Variants in CNBD1 observed in about 807,000 individuals in gnomAD.
CNBD1 encodes the protein cyclic nucleotide binding domain containing 1, also known as cyclic nucleotide-binding domain-containing protein 1.
CNBD1 carries 71 observed loss-of-function variants against 54.4 expected under a neutral mutation model. The ratio of observed to expected loss-of-function variants is 1.30; its 90% CI spans 1.08 to 1.59. CNBD1 has a LOEUF of 1.59. Ranked by LOEUF, CNBD1 falls within the 40% of genes most tolerant of loss-of-function variation. CNBD1 has a pLI of 0.00. For missense variants in CNBD1, 659 were observed against 518.0 expected (o/e 1.27, Z -2.64); for synonymous variants, 182 against 170.7 (o/e 1.07, Z -0.51).
At chr8:87,394,597 G>C (rs1002831126) in intron 2 of CNBD1, among the ~76,000 whole-genome samples, 2 of 151,780 alleles carry the variant, frequency 1.3e-5, no homozygotes, top group Non-Finnish European at 2.9e-5. Context: ...TCAATGCCAT[G>C]GTGATAAACA....
chr8:87,194,428 T>C (rs1813673542), intron 4 of CNBD1, among the ~76,000 whole-genome samples: 1 of 152,172 alleles, frequency 6.6e-6, no homozygotes, highest in African/African-American at 2.4e-5. Flanking sequence ...TAAGAATCAC[T>C]TATAATCTTG....
intron 8 of CNBD1, among the ~76,000 whole-genome samples, chr8:87,320,694 C>T (rs1323712236): frequency 6.6e-6 from 1 of 151,636 alleles, no homozygotes; most frequent in South Asian, 2.1e-4. Flanking sequence ...CACCTTAAAA[C>T]CTATGTGTTT....
chr8:87,353,734 C>T lies in CNBD1; in HGVS notation c.1251C>T (p.Ile417=), dbSNP rs1477500585. The T allele has an allele frequency of 6.2e-7, 1 of 1,610,996 alleles. No homozygotes were observed. Among genetic ancestry groups the T allele is most frequent in the African/African-American group, 1.3e-5 (1 of 74,910 alleles). The change falls in exon 10 of 11, where the codon ATC becomes ATT. Residue 417 remains isoleucine, a synonymous_variant. Coordinates refer to ENST00000518476, the MANE Select transcript of CNBD1 (RefSeq NM_173538.3). ...VLLQVPFTCT[I]ITKKEVEMAI... The stretch of plus-strand genomic sequence containing the variant: ...TTCAAGTTCCTTTCACGTGCACAAT[C>T]ATTACCAAAAAAGAAGTTGAGATGG...
intron 4 of CNBD1, among the ~76,000 whole-genome samples, chr8:87,046,187 T>G (rs760319786): frequency 2.0e-5 from 3 of 152,260 alleles, no homozygotes; most frequent in Non-Finnish European, 4.4e-5. Context: ...CCTACTGATG[T>G]CTTCCACCCT....
intron 10 of CNBD1, among the ~76,000 whole-genome samples, chr8:87,355,446 A>G (rs1359073216): frequency 3.3e-5 from 5 of 152,174 alleles, no homozygotes; most frequent in Non-Finnish European, 7.3e-5. Context: ...AGTATATAAG[A>G]CTTTATCTAA....
intron 4 of CNBD1, among the ~76,000 whole-genome samples, chr8:87,133,574 T>C (rs1239167825): frequency 2.0e-5 from 3 of 152,176 alleles, no homozygotes; most frequent in African/African-American, 4.8e-5. Flanking sequence ...CACTCAAGTT[T>C]TCTCTTCCCT....
chr8:87,357,929 A>T (rs1278569510), intron 10 of CNBD1, among the ~76,000 whole-genome samples: 1 of 152,166 alleles, frequency 6.6e-6, no homozygotes, highest in Non-Finnish European at 1.5e-5. Context: ...CATCTTCATG[A>T]TAATGAGTGA....
At chr8:87,217,274 A>C (rs1814233232) in intron 5 of CNBD1, among the ~76,000 whole-genome samples, 1 of 152,144 alleles carries the variant, frequency 6.6e-6, no homozygotes, top group Non-Finnish European at 1.5e-5. Flanking sequence ...ATAAACTTCT[A>C]ATAAGATGTA....
At chr8:87,160,683 T>C (rs187724807) in intron 4 of CNBD1, among the ~76,000 whole-genome samples, 6 of 152,230 alleles carry the variant, frequency 3.9e-5, no homozygotes, top group Non-Finnish European at 5.9e-5. Context: ...CCTATCTGCA[T>C]GGTAGAATCA....
intron 8 of CNBD1, among the ~76,000 whole-genome samples, chr8:87,298,735 C>T (rs568416383): frequency 1.1e-4 from 17 of 151,922 alleles, no homozygotes; most frequent in Non-Finnish European, 2.2e-4. Flanking sequence ...TTGCCTTCCT[C>T]GGCCTCCCAA....
chr8:87,126,514 G>C (rs1416090993), intron 4 of CNBD1, among the ~76,000 whole-genome samples: 4 of 151,844 alleles, frequency 2.6e-5, no homozygotes, highest in Non-Finnish European at 5.9e-5. Context: ...AAATTACTGA[G>C]TTCTGATAAA....
chr8:87,011,868 C>T (rs903904384), intron 4 of CNBD1, among the ~76,000 whole-genome samples: 1 of 152,092 alleles, frequency 6.6e-6, no homozygotes, highest in Non-Finnish European at 1.5e-5. Flanking sequence ...ATAATTGATA[C>T]TAAGAATAAT....
At chr8:87,386,289 A>T (rs1811185798), downstream of CNBD1, among the ~76,000 whole-genome samples, 1 of 152,174 alleles carries the variant, frequency 6.6e-6, no homozygotes, top group African/African-American at 2.4e-5. Flanking sequence ...TTGAGAGAAG[A>T]AGTTTTCAGA....
At chr8:87,074,116 A>T (rs952421969) in intron 4 of CNBD1, among the ~76,000 whole-genome samples, 17 of 148,302 alleles carry the variant, frequency 1.1e-4, no homozygotes, top group Admixed American at 8.0e-4. Context: ...AAAAAAAAAA[A>T]GGCAGCAGTC....
At chr8:87,084,165 G>A (rs1432618555) in intron 4 of CNBD1, among the ~76,000 whole-genome samples, 2 of 152,054 alleles carry the variant, frequency 1.3e-5, no homozygotes, top group Non-Finnish European at 2.9e-5. Context: ...TATATATGTT[G>A]TAAAACCCAA....
intron 1 of CNBD1, among the ~76,000 whole-genome samples, chr8:86,879,379 G>C (rs1344683994): frequency 6.6e-6 from 1 of 152,104 alleles, no homozygotes; most frequent in African/African-American, 2.4e-5. Context: ...CTATTCTTGT[G>C]GTGCTGTAAG....
At chr8:87,219,514 A>G (rs1466346960) in intron 5 of CNBD1, among the ~76,000 whole-genome samples, 2 of 152,006 alleles carry the variant, frequency 1.3e-5, no homozygotes, top group South Asian at 2.1e-4. Context: ...GGATGTCTAA[A>G]GACCATATAT....
intron 4 of CNBD1, among the ~76,000 whole-genome samples, chr8:86,969,845 A>C (rs1808181000): frequency 6.6e-6 from 1 of 151,206 alleles, no homozygotes; most frequent in African/African-American, 2.4e-5. Context: ...GTGTGCGTGC[A>C]TGTGTATAAA....
chr8:87,229,296 GT>G (rs1227997324), intron 5 of CNBD1, among the ~76,000 whole-genome samples: 39 of 150,030 alleles, frequency 2.6e-4, no homozygotes, highest in African/African-American at 5.4e-4. Context: ...TTAAATGCTG[GT>G]TTTTTTTTTA....
Sources: gnomAD v4.1 joint callset for allele counts (sites outside exome capture counted in the v4.1 genomes callset) on GRCh38, gnomAD v4.1.1 for gene constraint, MANE v1.5 for transcripts, NCBI Gene and HGNC (gene_info 2026-07-23, HGNC 2026-07-21) for gene names.